Variants in LRRC42 observed in about 807,000 individuals in gnomAD.
LRRC42 encodes the protein leucine rich repeat containing 42.
A neutral mutation model predicts 44.3 loss-of-function variants in LRRC42; 43 were observed. That is an observed-to-expected ratio of 0.97 (90% CI 0.76 to 1.25). The LOEUF (loss-of-function observed/expected upper bound fraction) is 1.25, where lower values mean the gene tolerates loss of function less well. Ranked by LOEUF, LRRC42 falls within the 50% of genes most tolerant of loss-of-function variation. The pLI is 0.00. For synonymous variants in LRRC42, 207 were observed against 195.2 expected (o/e 1.06, Z -0.50); for missense variants, 540 against 509.1 (o/e 1.06, Z -0.58).
intron 3 of LRRC42, among the ~76,000 whole-genome samples, chr1:53,954,643 C>T (rs867163178): frequency 5.3e-5 from 8 of 152,152 alleles, no homozygotes; most frequent in Non-Finnish European, 1.0e-4. Flanking sequence ...CTTTGTACAA[C>T]TCGTATTCTG....
chr1:53,958,303 A>G lies in LRRC42; in HGVS notation c.605+23A>G, dbSNP rs746683772. ...TAGGTACTGACCTGTCACCACTTGC[A>G]GATGAATTGTTTCAGTATTGTTTTA... On this transcript the variant is annotated intron_variant, in intron 4 of 8. Transcript: ENST00000371370. 8.7e-6 allele frequency: 14 copies of G among 1,612,124 alleles called. No individual in the cohort carries two copies. The African/African-American group carries it at 1.6e-4, about 18-fold the overall frequency.
intron 3 of LRRC42, among the ~76,000 whole-genome samples, chr1:53,954,798 G>A (rs919280385): frequency 1.3e-5 from 2 of 152,138 alleles, no homozygotes; most frequent in African/African-American, 2.4e-5. Context: ...CATTTGATGA[G>A]GACATAAATT....
At chr1:53,966,140 ACTTGACTTGGTTC>A (rs1655123315) in intron 7 of LRRC42, among the ~76,000 whole-genome samples, 143 bp from the exon 8 acceptor site, 1 of 152,250 alleles carries the variant, frequency 6.6e-6, no homozygotes, top group East Asian at 1.9e-4. Flanking sequence ...GAAAATGCAG[ACTTGACTTGGTTC>A]TTATTCTTAT....
intron 1 of LRRC42, among the ~76,000 whole-genome samples, chr1:53,946,874 A>G (rs558994710): frequency 1.6e-5 from 2 of 124,390 alleles, no homozygotes; most frequent in East Asian, 2.4e-4. Context: ...ATGGGATTTT[A>G]GGGGTTCAAG....
In LRRC42 at chr1:53,953,512, C is replaced by T. The variant is rs186770455; in HGVS notation, c.473+1040C>T. Reference sequence around the variant, plus strand: ...AGTAGCTGGGATTACAGGCATATGCCACCATGCCCAGCTAATTTTTGTATT... The same window carrying T: ...AGTAGCTGGGATTACAGGCATATGCTACCATGCCCAGCTAATTTTTGTATT... On this transcript the variant is annotated intron_variant, in intron 3 of 8. Coordinates refer to ENST00000371370, the MANE Select transcript of LRRC42 (RefSeq NM_001256409.2). 4.7e-3 allele frequency among the ~76,000 whole-genome samples: 712 copies of T among 152,212 alleles called. 3 individuals are homozygous for T. Among genetic ancestry groups the T allele is most frequent in the Non-Finnish European group, 6.7e-3 (458 of 68,022 alleles).
chr1:53,950,766 T>G (rs1654653370), intron 2 of LRRC42, among the ~76,000 whole-genome samples: 1 of 152,256 alleles, frequency 6.6e-6, no homozygotes, highest in South Asian at 2.1e-4. Flanking sequence ...CAGTTAGTTC[T>G]TGGGCATATA....
At position 53,952,221 on chromosome 1, in the gene LRRC42, C is replaced by T; in HGVS notation, c.222C>T (p.Phe74=). Residue 74 remains phenylalanine (F), a synonymous_variant, in exon 3 of 9, where the codon TTC becomes TTT. Coordinates refer to ENST00000371370, the MANE Select transcript of LRRC42 (RefSeq NM_001256409.2). ...ARKEKTDHFI[F]TYTREGNLRY... ...AAGAGAAGACTGATCATTTCATCTT[C>T]ACATACACCCGAGAGGGGAATCTTC... 1 of 1,614,258 alleles carries T rather than the reference C, an allele frequency of 6.2e-7. No individual in the cohort carries two copies. Among genetic ancestry groups the T allele is most frequent in the Non-Finnish European group, 8.5e-7 (1 of 1,180,050 alleles).
intron 2 of LRRC42, among the ~76,000 whole-genome samples, chr1:53,951,648 C>T (rs1456162632): frequency 6.6e-6 from 1 of 152,234 alleles, no homozygotes; most frequent in Non-Finnish European, 1.5e-5. Flanking sequence ...TGGTCTCGAA[C>T]TCCTGACCTC....
intron 4 of LRRC42, among the ~76,000 whole-genome samples, chr1:53,959,861 T>C (rs2100927167): frequency 6.6e-6 from 1 of 152,220 alleles, no homozygotes; most frequent in Non-Finnish European, 1.5e-5. Flanking sequence ...CCTCTGAAAT[T>C]AGTACTGCAT....
At chr1:53,953,580 C>T (rs1043056759) in intron 3 of LRRC42, among the ~76,000 whole-genome samples, 2 of 151,710 alleles carry the variant, frequency 1.3e-5, no homozygotes, top group African/African-American at 2.4e-5. Context: ...AGGATGGTGT[C>T]GATCTCCTGA....
chr1:53,963,219 G>A (rs948678917), intron 7 of LRRC42, among the ~76,000 whole-genome samples: 9 of 152,180 alleles, frequency 5.9e-5, no homozygotes, highest in Non-Finnish European at 1.2e-4. Context: ...GGTAAGCAGG[G>A]AGACTGCTGA....
At chr1:53,955,944 C>T (rs1485717118) in intron 3 of LRRC42, among the ~76,000 whole-genome samples, 1 of 152,124 alleles carries the variant, frequency 6.6e-6, no homozygotes, top group Non-Finnish European at 1.5e-5. Flanking sequence ...ATCTTTTAGC[C>T]CATATTTTAT....
Position 53,962,060 on chromosome 1 carries a change from A to AT in LRRC42, c.753dup (p.Gly252TrpfsTer7). The AT allele has an allele frequency of 6.2e-7, 1 of 1,613,904 alleles. No individual in the cohort carries two copies. The highest frequency in any genetic ancestry group is 8.5e-7 in the Non-Finnish European group (1 of 1,179,804). ...TAACCCTGAGATCACAGATGCAGGC[A>AT]TTGGATACCTCTTTTCTTTTAGGAA... is the stretch of plus-strand genomic sequence containing the variant. On this transcript the variant is annotated frameshift_variant, in exon 6 of 9. Transcript: ENST00000371370. LOFTEE classifies it high-confidence loss of function.
At chr1:53,949,613 C>T (rs114147074) in intron 2 of LRRC42, among the ~76,000 whole-genome samples, 1 of 152,196 alleles carries the variant, frequency 6.6e-6, no homozygotes, top group Non-Finnish European at 1.5e-5. Context: ...ATGCTCACCC[C>T]TACTGGAGGA....
chr1:53,952,957 G>A (rs537532867), intron 3 of LRRC42, among the ~76,000 whole-genome samples: 1 of 152,322 alleles, frequency 6.6e-6, no homozygotes, highest in South Asian at 2.1e-4. Context: ...ACTAAGGTCT[G>A]TGGTCTTAAC....
Position 53,952,060 on chromosome 1 carries a change from A to G in LRRC42, c.61A>G (p.Asn21Asp), listed in dbSNP as rs144023144. The G allele has an allele frequency of 3.1e-6, 5 of 1,614,196 alleles. No homozygotes were observed. Among genetic ancestry groups the G allele is most frequent in the Admixed American group, 1.7e-5 (1 of 60,026 alleles). The change falls in exon 3 of 9, where the codon AAT (asparagine) becomes GAT (aspartate). Residue 21 changes from asparagine (N) to aspartate (D), a missense_variant. Coordinates refer to ENST00000371370, the MANE Select transcript of LRRC42 (RefSeq NM_001256409.2). ...LDPGPIYMRE[N>D]GQLHMVNLAL... is the part of the protein sequence containing the mutation. ...CCCAGGGCCCATCTACATGCGAGAA[A>G]ATGGGCAGCTGCACATGGTCAATCT... is the stretch of plus-strand genomic sequence containing the variant.
At chr1:53,951,832 C>T (rs1336424394) in intron 2 of LRRC42, among the ~76,000 whole-genome samples, 154 bp from the exon 3 acceptor site, 1 of 152,120 alleles carries the variant, frequency 6.6e-6, no homozygotes, top group Non-Finnish European at 1.5e-5. Flanking sequence ...CCTTGAATGC[C>T]AAAGTTCCCA....
chr1:53,948,201 T>G (rs1654579048), intron 2 of LRRC42, among the ~76,000 whole-genome samples: 1 of 152,238 alleles, frequency 6.6e-6, no homozygotes, highest in Non-Finnish European at 1.5e-5. Context: ...TTACTTTATC[T>G]ACTGAAGTTA....
chr1:53,955,818 T>C (rs1327470867), intron 3 of LRRC42, among the ~76,000 whole-genome samples: 6 of 151,442 alleles, frequency 4.0e-5, no homozygotes, highest in African/African-American at 1.2e-4. Flanking sequence ...TTAGTAGAGA[T>C]GGGGTTTCAC....
Sources: gnomAD v4.1 joint callset for allele counts (sites outside exome capture counted in the v4.1 genomes callset) on GRCh38, gnomAD v4.1.1 for gene constraint, MANE v1.5 for transcripts, NCBI Gene and HGNC (gene_info 2026-07-23, HGNC 2026-07-21) for gene names.